Variants in COL28A1 observed in about 807,000 individuals in gnomAD.
The protein encoded by COL28A1 is collagen type XXVIII alpha 1 chain.
A neutral mutation model predicts 150.2 loss-of-function variants in COL28A1; 161 were observed. The ratio of observed to expected loss-of-function variants is 1.07; its 90% CI spans 0.94 to 1.22. The LOEUF (loss-of-function observed/expected upper bound fraction) is 1.22, where lower values mean the gene tolerates loss of function less well. Among genes scored for constraint, COL28A1 ranks in the 50% most tolerant of loss-of-function variants. The pLI, the probability that COL28A1 is intolerant of heterozygous loss-of-function variation, is 0.00. For missense variants in COL28A1, 1,617 were observed against 1,388.3 expected (o/e 1.16, Z -2.62); for synonymous variants, 552 against 469.7 (o/e 1.18, Z -2.26).
the COL28A1 span, among the ~76,000 whole-genome samples, chr7:7,343,651 T>C: frequency 6.6e-6 from 1 of 152,110 alleles, no homozygotes; most frequent in Non-Finnish European, 1.5e-5. Context: ...GTTATGCTTA[T>C]TCTTTGCCTT....
Position 7,440,810 on chromosome 7 carries a change from G to C in COL28A1, c.1702C>G (p.Pro568Ala), listed in dbSNP as rs768625221. 4.6e-6 allele frequency: 7 copies of C among 1,519,648 alleles called. No individual in the cohort carries two copies. Among genetic ancestry groups the C allele is most frequent in the Non-Finnish European group, 6.4e-6 (7 of 1,095,280 alleles). 94.1% of individuals were successfully genotyped at this position (1,519,648 alleles called of 1,614,324 possible). The change falls in exon 21 of 35, where the codon CCA becomes GCA. Residue 568 changes from proline (P) to alanine (A), a missense_variant. Transcript: ENST00000399429. Reference sequence around the variant, plus strand: ...CATACCTTTGGTCCTTCGGGCCCTGGAAGTCCCCTCTGTCCTTGATTTCCT... The same window carrying C: ...CATACCTTTGGTCCTTCGGGCCCTGCAAGTCCCCTCTGTCCTTGATTTCCT... ...SKGNQGQRGL[P>A]GPEGPKGEPG...
intron 15 of COL28A1, among the ~76,000 whole-genome samples, chr7:7,457,814 T>G (rs887229112): frequency 2.0e-5 from 3 of 152,184 alleles, no homozygotes; most frequent in African/African-American, 7.2e-5. Context: ...GGCAAATTAG[T>G]TGATGACAGA....
chr7:7,438,694 T>C lies in COL28A1; in HGVS notation c.1723-1232A>G, dbSNP rs560349012. Among the ~76,000 whole-genome samples the C allele has an allele frequency of 4.6e-5, 7 of 152,346 alleles. No homozygotes were observed. The East Asian group carries it at 1.2e-3, about 25-fold the overall frequency. The stretch of plus-strand genomic sequence containing the variant: ...ATAAATTCATAACATATTAGTATGA[T>C]AGCTTATAAACAGAAATTACAATTA... On this transcript the variant is annotated intron_variant, in intron 21 of 34. Transcript: ENST00000399429.
chr7:7,390,592 T>A (rs1782482421), intron 27 of COL28A1, among the ~76,000 whole-genome samples: 2 of 152,226 alleles, frequency 1.3e-5, no homozygotes, highest in Non-Finnish European at 2.9e-5. Context: ...TGTACCTCTG[T>A]TAGAATTCGG....
chr7:7,376,838 A>T (rs1217984189), intron 30 of COL28A1, among the ~76,000 whole-genome samples: 1 of 152,186 alleles, frequency 6.6e-6, no homozygotes, highest in Non-Finnish European at 1.5e-5. Context: ...ATGTGCGGCC[A>T]TTTAAAGGCT....
intron 1 of COL28A1, among the ~76,000 whole-genome samples, chr7:7,533,152 T>G (rs970596778): frequency 6.6e-6 from 1 of 152,158 alleles, no homozygotes; most frequent in Non-Finnish European, 1.5e-5. Flanking sequence ...TATTTAAGTA[T>G]TCTTAATTCC....
intron 27 of COL28A1, among the ~76,000 whole-genome samples, chr7:7,406,007 C>A (rs1783470478): frequency 6.6e-6 from 1 of 152,134 alleles, no homozygotes; most frequent in Non-Finnish European, 1.5e-5. Context: ...CAAACAAGTA[C>A]ATTCACTTTT....
At chr7:7,432,320 C>A (rs927943105) in intron 25 of COL28A1, among the ~76,000 whole-genome samples, 153 bp downstream of exon 25, 1 of 152,098 alleles carries the variant, frequency 6.6e-6, no homozygotes, top group Non-Finnish European at 1.5e-5. Flanking sequence ...CAGATTAGTT[C>A]CCCAGGAAGT....
Position 7,419,963 on chromosome 7 carries a change from C to T in COL28A1, c.1999-10G>A, listed in dbSNP as rs370233766. 2.5e-5 allele frequency: 39 copies of T among 1,569,846 alleles called. 1 individual carries two copies. The African/African-American group carries it at 3.2e-4, about 13-fold the overall frequency. ...TGACCCCAGGCTCTCCCTGAAAAGA[C>T]ACAACAAATAACAAGTTACTAATTT... On this transcript the variant is annotated splice_polypyrimidine_tract_variant and intron_variant, in intron 25 of 34. Transcript: ENST00000399429.
chr7:7,477,231 G>T (rs369241190), intron 13 of COL28A1, 51 bp from the exon 14 acceptor site: 3 of 846,704 alleles, frequency 3.5e-6, no homozygotes, highest in Non-Finnish European at 6.1e-6. Context: ...AAAAGGGAAA[G>T]AGGAGTGATG....
At chr7:7,503,843 A>G (rs1780663002) in intron 11 of COL28A1, among the ~76,000 whole-genome samples, 1 of 152,216 alleles carries the variant, frequency 6.6e-6, no homozygotes, top group Admixed American at 6.5e-5. Context: ...TGCCCACTTC[A>G]TAGACTCCGA....
chr7:7,515,228 G>A (rs1781355440), intron 8 of COL28A1, among the ~76,000 whole-genome samples: 1 of 152,172 alleles, frequency 6.6e-6, no homozygotes, highest in South Asian at 2.1e-4. Context: ...GCCCCAGTAT[G>A]ACTTGTTAAT....
At chr7:7,417,987 G>C (rs924417181) in intron 26 of COL28A1, 60 bp from the exon 27 acceptor site, 2 of 1,381,376 alleles carry the variant, frequency 1.4e-6, no homozygotes, top group Non-Finnish European at 2.0e-6. Context: ...AAGAAACAAC[G>C]TTAAGTATTA....
chr7:7,517,993 A>C (rs961801546), intron 6 of COL28A1, among the ~76,000 whole-genome samples, 156 bp from the exon 7 acceptor site: 12 of 152,084 alleles, frequency 7.9e-5, no homozygotes, highest in Admixed American at 6.6e-4. Context: ...TAGGCAAAAA[A>C]AAAAAAAAAA....
intron 6 of COL28A1, among the ~76,000 whole-genome samples, chr7:7,518,227 G>C (rs1781525167): frequency 6.6e-6 from 1 of 152,062 alleles, no homozygotes; most frequent in South Asian, 2.1e-4. Flanking sequence ...ATTTCAGCAA[G>C]ACTTAAGAAA....
At chr7:7,356,310 T>C (rs899654402), downstream of COL28A1, 2 of 152,100 alleles carry the variant, frequency 1.3e-5, no homozygotes, top group African/African-American at 4.8e-5. Flanking sequence ...CAACAGCACA[T>C]TGACATGGTA....
chr7:7,399,549 T>C (rs1236374382), intron 27 of COL28A1, among the ~76,000 whole-genome samples: 1 of 152,150 alleles, frequency 6.6e-6, no homozygotes, highest in East Asian at 1.9e-4. Flanking sequence ...CTAGAGATGG[T>C]GCATCCTAAA....
downstream of COL28A1, among the ~76,000 whole-genome samples, chr7:7,353,260 GAACA>G (rs1780272637): frequency 1.3e-5 from 2 of 152,246 alleles, no homozygotes; most frequent in East Asian, 3.9e-4. Context: ...CCCAGGTGCA[GAACA>G]AAGACAAGAG....
chr7:7,388,077 T>C (rs542583398), intron 27 of COL28A1, among the ~76,000 whole-genome samples: 1 of 152,224 alleles, frequency 6.6e-6, no homozygotes, highest in African/African-American at 2.4e-5. Flanking sequence ...GTTTGTTACA[T>C]AGGTATGCAT....
Sources: gnomAD v4.1 joint callset for allele counts (sites outside exome capture counted in the v4.1 genomes callset) on GRCh38, gnomAD v4.1.1 for gene constraint, MANE v1.5 for transcripts, NCBI Gene and HGNC (gene_info 2026-07-23, HGNC 2026-07-21) for gene names.